Variants in IGSF11 observed in about 807,000 individuals in gnomAD.
IGSF11 encodes immunoglobulin superfamily member 11, also known as CXADR like 1.
A neutral mutation model predicts 41.0 loss-of-function variants in IGSF11; 22 were observed. That is an observed-to-expected ratio of 0.54 (90% CI 0.38 to 0.77). The LOEUF is 0.77. Ranked by LOEUF, IGSF11 falls within the 30% of genes least tolerant of loss-of-function variation. The pLI is 0.00. For synonymous variants in IGSF11, 219 were observed against 201.3 expected (o/e 1.09, Z -0.74); for missense variants, 444 against 530.8 (o/e 0.84, Z 1.61).
chr3:119,034,042 T>A (rs980431625), intron 1 of IGSF11, among the ~76,000 whole-genome samples: 33 of 152,260 alleles, frequency 2.2e-4, no homozygotes, highest in African/African-American at 8.0e-4. Context: ...CAGTATACAA[T>A]TAGTTTTAAA....
upstream of IGSF11, among the ~76,000 whole-genome samples, chr3:119,109,965 T>A (rs2077116894): frequency 6.6e-6 from 1 of 152,258 alleles, no homozygotes; most frequent in African/African-American, 2.4e-5. Context: ...CACTTTGTTA[T>A]AATTTCTGTT....
At position 119,034,592 on chromosome 3, in the gene IGSF11, G is replaced by A. The variant is rs1196587600; in HGVS notation, c.-10C>T. On this transcript the variant is annotated 5_prime_UTR_variant, in exon 1 of 7. Coordinates refer to ENST00000393775, the MANE Select transcript of IGSF11 (RefSeq NM_001015887.3). ...AACGCTGAGAAGTCATCCCGGGGCC[G>A]CAGGGAGCGCGCCTGCCTCCTACCC... 2.5e-6 allele frequency: 4 copies of A among 1,584,454 alleles called. No homozygotes were observed. The highest frequency in any genetic ancestry group is 1.4e-5 in the African/African-American group (1 of 73,498).
chr3:119,087,807 G>A (rs1006652869), intron 1 of IGSF11, among the ~76,000 whole-genome samples: 28 of 151,486 alleles, frequency 1.8e-4, no homozygotes. Context: ...AATAAATAAG[G>A]AAAAAAATTA....
intron 1 of IGSF11, among the ~76,000 whole-genome samples, chr3:118,970,836 AT>A (rs1278878804): frequency 6.6e-6 from 1 of 152,084 alleles, no homozygotes; most frequent in Non-Finnish European, 1.5e-5. Context: ...CCACTTCTCT[AT>A]TAAATAGTCT....
At chr3:119,050,697 G>A (rs989390753) in intron 1 of IGSF11, among the ~76,000 whole-genome samples, 80 of 152,028 alleles carry the variant, frequency 5.3e-4, no homozygotes, top group African/African-American at 1.6e-3. Flanking sequence ...ACATGCACAC[G>A]TATGTTTATT....
At chr3:119,066,636 C>T (rs1942241606) in intron 1 of IGSF11, among the ~76,000 whole-genome samples, 1 of 152,194 alleles carries the variant, frequency 6.6e-6, no homozygotes, top group Non-Finnish European at 1.5e-5. Flanking sequence ...AGTATTTACA[C>T]CATGACAGTC....
At chr3:119,142,173 G>A (rs1006717400) in intron 1 of IGSF11, among the ~76,000 whole-genome samples, 6 of 151,666 alleles carry the variant, frequency 4.0e-5, no homozygotes, top group Admixed American at 6.6e-5. Context: ...TACTCGGGAG[G>A]CTGAAGCAGG....
intron 1 of IGSF11, among the ~76,000 whole-genome samples, chr3:119,111,477 T>C (rs1031449832): frequency 6.6e-6 from 1 of 152,222 alleles, no homozygotes; most frequent in Admixed American, 6.5e-5. Flanking sequence ...TTGGTTATTC[T>C]AGTCATATAT....
At chr3:119,073,599 C>T (rs978506775) in intron 1 of IGSF11, among the ~76,000 whole-genome samples, 4 of 152,180 alleles carry the variant, frequency 2.6e-5, no homozygotes, top group Admixed American at 6.5e-5. Flanking sequence ...GCCGGTGGGC[C>T]GGCAGTGCTG....
chr3:118,912,703 C>T (rs529437156), intron 4 of IGSF11, among the ~76,000 whole-genome samples: 2 of 152,110 alleles, frequency 1.3e-5, no homozygotes, highest in South Asian at 4.2e-4. Context: ...GTTAACTACA[C>T]AACAAACAGG....
At chr3:119,129,872 C>G (rs1029024278) in intron 1 of IGSF11, among the ~76,000 whole-genome samples, 1 of 151,994 alleles carries the variant, frequency 6.6e-6, no homozygotes, top group Non-Finnish European at 1.5e-5. Context: ...GTAGGCCCAG[C>G]TACTCAGGGA....
chr3:118,998,480 A>G (rs60135435), intron 1 of IGSF11, among the ~76,000 whole-genome samples: 3,561 of 150,978 alleles, frequency 0.024, 138 homozygotes, highest in African/African-American at 0.082. Context: ...ATTGGGGGGG[A>G]AAAAAAAGAA....
chr3:119,087,706 C>G (rs560070440), intron 1 of IGSF11, among the ~76,000 whole-genome samples: 3 of 152,140 alleles, frequency 2.0e-5, no homozygotes, highest in South Asian at 2.1e-4. Context: ...ACCAAAATCT[C>G]AGAAATCACC....
At chr3:119,126,061 C>T (rs1302647915) in intron 1 of IGSF11, among the ~76,000 whole-genome samples, 1 of 152,242 alleles carries the variant, frequency 6.6e-6, no homozygotes, top group African/African-American at 2.4e-5. Flanking sequence ...GCTCTCTAAG[C>T]TGTTTGAGCT....
intron 1 of IGSF11, among the ~76,000 whole-genome samples, chr3:119,131,719 C>T (rs2077484508): frequency 6.6e-6 from 1 of 152,072 alleles, no homozygotes; most frequent in African/African-American, 2.4e-5. Flanking sequence ...AGATACTCCT[C>T]AAGAAGACTA....
At chr3:119,016,040 T>C (rs1157004684) in intron 1 of IGSF11, among the ~76,000 whole-genome samples, 5 of 152,172 alleles carry the variant, frequency 3.3e-5, no homozygotes, top group Admixed American at 3.3e-4. Context: ...AAAGCCAGTC[T>C]GAGTAGACCA....
At chr3:118,998,196 T>G (rs1576592698) in intron 1 of IGSF11, among the ~76,000 whole-genome samples, 1 of 152,190 alleles carries the variant, frequency 6.6e-6, no homozygotes. Flanking sequence ...CCTAATTGTT[T>G]GGTTTATTAT....
intron 1 of IGSF11, among the ~76,000 whole-genome samples, chr3:119,056,407 C>T (rs1471738719): frequency 6.6e-6 from 1 of 152,090 alleles, no homozygotes; most frequent in African/African-American, 2.4e-5. Flanking sequence ...ATACACCCTC[C>T]CAAGACTAAA....
intron 1 of IGSF11, among the ~76,000 whole-genome samples, chr3:118,984,447 G>T (rs1458186972): frequency 6.6e-6 from 1 of 152,152 alleles, no homozygotes; most frequent in Non-Finnish European, 1.5e-5. Flanking sequence ...CATGTAGCCA[G>T]AACATTAAAG....
Sources: gnomAD v4.1 joint callset for allele counts (sites outside exome capture counted in the v4.1 genomes callset) on GRCh38, gnomAD v4.1.1 for gene constraint, MANE v1.5 for transcripts, NCBI Gene and HGNC (gene_info 2026-07-23, HGNC 2026-07-21) for gene names.